Variants in DOK6 observed in about 807,000 individuals in gnomAD.
The protein encoded by DOK6 is docking protein 6.
A neutral mutation model predicts 44.0 loss-of-function variants in DOK6; 22 were observed. The observed-to-expected ratio is 0.50, with a 90% CI of 0.36 to 0.71. The LOEUF (loss-of-function observed/expected upper bound fraction) is 0.71, where lower values mean the gene tolerates loss of function less well. Ranked by LOEUF, DOK6 falls within the 30% of genes least tolerant of loss-of-function variation. The pLI is 0.00. For missense variants in DOK6, 340 were observed against 416.4 expected (o/e 0.82, Z 1.60); for synonymous variants, 166 against 145.5 (o/e 1.14, Z -1.01).
intron 3 of DOK6, among the ~76,000 whole-genome samples, chr18:69,631,232 T>C (rs564243596): frequency 1.3e-5 from 2 of 152,342 alleles, no homozygotes; most frequent in African/African-American, 2.4e-5. Context: ...GCTAATTGTC[T>C]CTTCATATGG....
chr18:69,486,193 G>A (rs112099539), intron 1 of DOK6, among the ~76,000 whole-genome samples: 1 of 151,790 alleles, frequency 6.6e-6, no homozygotes, highest in South Asian at 2.1e-4. Context: ...GACATTTCTT[G>A]TTCCTTTATT....
chr18:69,756,577 A>G (rs1344276580), intron 6 of DOK6, among the ~76,000 whole-genome samples: 1 of 152,238 alleles, frequency 6.6e-6, no homozygotes, highest in African/African-American at 2.4e-5. Flanking sequence ...TCCACTTTCT[A>G]TTAAAATGTA....
At chr18:69,496,227 C>T (rs1980884738) in intron 1 of DOK6, among the ~76,000 whole-genome samples, 1 of 152,238 alleles carries the variant, frequency 6.6e-6, no homozygotes, top group African/African-American at 2.4e-5. Flanking sequence ...ACAGGCACAA[C>T]CTGAGTGTCT....
At chr18:69,776,246 A>G (rs1036804843) in intron 7 of DOK6, among the ~76,000 whole-genome samples, 5 of 152,054 alleles carry the variant, frequency 3.3e-5, no homozygotes, top group African/African-American at 4.8e-5. Context: ...TTCTTGGAAC[A>G]TTAACAAAAT....
intron 1 of DOK6, among the ~76,000 whole-genome samples, chr18:69,447,360 G>C (rs1469105513): frequency 2.0e-5 from 3 of 152,138 alleles, no homozygotes; most frequent in Non-Finnish European, 4.4e-5. Context: ...AGATTAGATG[G>C]TTGTAGATGT....
At chr18:69,822,186 T>C (rs1360346506) in intron 7 of DOK6, among the ~76,000 whole-genome samples, 1 of 152,188 alleles carries the variant, frequency 6.6e-6, no homozygotes, top group Non-Finnish European at 1.5e-5. Flanking sequence ...TGGGTAAATG[T>C]CAGATCCAGC....
intron 5 of DOK6, among the ~76,000 whole-genome samples, chr18:69,731,166 G>A (rs1046961894): frequency 6.6e-6 from 1 of 151,874 alleles, no homozygotes; most frequent in African/African-American, 2.4e-5. Flanking sequence ...ACACAATAAG[G>A]TAATAAATTC....
At chr18:69,517,495 T>A (rs1981561666) in intron 1 of DOK6, among the ~76,000 whole-genome samples, 1 of 152,164 alleles carries the variant, frequency 6.6e-6, no homozygotes, top group Admixed American at 6.6e-5. Context: ...TATAGAGCCA[T>A]GGGAGTCTCT....
chr18:69,485,565 TA>T (rs1486774357), intron 1 of DOK6, among the ~76,000 whole-genome samples: 2 of 152,124 alleles, frequency 1.3e-5, no homozygotes, highest in East Asian at 3.9e-4. Context: ...AGTGAAGGCT[TA>T]ATCCTTTTTT....
At chr18:69,571,177 A>T (rs970412844) in intron 2 of DOK6, among the ~76,000 whole-genome samples, 2 of 152,030 alleles carry the variant, frequency 1.3e-5, no homozygotes, top group African/African-American at 2.4e-5. Context: ...GTATAAGTAG[A>T]CTTGGAAAAA....
At position 69,739,102 on chromosome 18, in the gene DOK6, G is replaced by C; in HGVS notation, c.737G>C (p.Arg246Pro). Residue 246 changes from arginine (R) to proline (P), a missense_variant and splice_region_variant, in exon 6 of 8, where the codon CGG becomes CCG. Arg to Pro is a moderately radical substitution (Grantham distance 103). Coordinates refer to ENST00000382713, the MANE Select transcript of DOK6 (RefSeq NM_152721.6). ...ATGCTAGAAATGGAACAGAAGGCCC[G>C]GGTAAGGCCCCTTCCTTGGTAACCT... The part of the protein sequence containing the change: ...RLMLEMEQKA[R>P]LQTSLTEPMT... 6.2e-7 allele frequency: 1 copy of C among 1,613,778 alleles called. No homozygotes were observed. The highest frequency in any genetic ancestry group is 8.5e-7 in the Non-Finnish European group (1 of 1,179,792).
chr18:69,548,869 G>A (rs1466008568), intron 1 of DOK6, among the ~76,000 whole-genome samples: 9 of 151,312 alleles, frequency 5.9e-5, no homozygotes, highest in African/African-American at 1.9e-4. Context: ...CGAGGCGGGC[G>A]GATCACGAGG....
intron 7 of DOK6, among the ~76,000 whole-genome samples, chr18:69,761,905 A>G (rs1053703481): frequency 6.6e-6 from 1 of 152,194 alleles, no homozygotes; most frequent in Non-Finnish European, 1.5e-5. Context: ...CAGCAACCTC[A>G]GTCCTTGTCT....
At chr18:69,786,633 A>T (rs535895791) in intron 7 of DOK6, among the ~76,000 whole-genome samples, 1 of 152,320 alleles carries the variant, frequency 6.6e-6, no homozygotes, top group Non-Finnish European at 1.5e-5. Flanking sequence ...TTGACATACA[A>T]TGTATAGTTT....
At chr18:69,822,761 C>T (rs1032392399) in intron 7 of DOK6, among the ~76,000 whole-genome samples, 12 of 152,252 alleles carry the variant, frequency 7.9e-5, no homozygotes, top group East Asian at 3.9e-4. Flanking sequence ...TATCAAAAAA[C>T]GTTCATTTTC....
intron 2 of DOK6, among the ~76,000 whole-genome samples, chr18:69,590,622 A>T (rs1983600987): frequency 6.6e-6 from 1 of 152,194 alleles, no homozygotes; most frequent in South Asian, 2.1e-4. Flanking sequence ...AAAGACTGAA[A>T]ATTTCATTTT....
intron 3 of DOK6, among the ~76,000 whole-genome samples, chr18:69,652,039 C>T (rs1029075011): frequency 6.6e-6 from 1 of 152,162 alleles, no homozygotes; most frequent in Non-Finnish European, 1.5e-5. Context: ...TCTGCTTTAA[C>T]CTTGCTGTGT....
intron 5 of DOK6, among the ~76,000 whole-genome samples, chr18:69,727,247 C>T (rs1414056162): frequency 6.6e-6 from 1 of 152,152 alleles, no homozygotes; most frequent in Non-Finnish European, 1.5e-5. Context: ...CCTCTCACTA[C>T]CATCACACCA....
rs189114395 is a variant in DOK6 at position 69,496,005 on chromosome 18, G to C, written c.67-68482G>C. 9.7e-4 allele frequency among the ~76,000 whole-genome samples: 147 copies of C among 152,310 alleles called. No individual in the cohort carries two copies. The East Asian group carries it at 0.023, about 24-fold the overall frequency. ...GAAAGCAGACACTTCTGAAACTTGC[G>C]GGGGGAGATGCCTGACTCTGCAGGG... On this transcript the variant is annotated intron_variant, in intron 1 of 7. Coordinates refer to ENST00000382713, the MANE Select transcript of DOK6 (RefSeq NM_152721.6).
Sources: allele counts gnomAD v4.1 joint callset (sites outside exome capture counted in the v4.1 genomes callset), GRCh38; gene constraint gnomAD v4.1.1; transcripts MANE v1.5; gene names NCBI Gene and HGNC (gene_info 2026-07-23, HGNC 2026-07-21).